OTOGL: variants seen among roughly 807,000 people sequenced by gnomAD.
The protein encoded by OTOGL is otogelin like, also known as otogelin-like protein.
In OTOGL, 285 loss-of-function variants were observed where a neutral mutation model predicts 318.5. The ratio of observed to expected loss-of-function variants is 0.89; its 90% confidence interval spans 0.81 to 0.99. The LOEUF is 0.99. Among genes scored for constraint, OTOGL ranks in the 50% least tolerant of loss-of-function variants. The pLI is 0.00. For synonymous variants in OTOGL, 987 were observed against 936.5 expected (o/e 1.05, Z -0.99); for missense variants, 2,899 against 2,845.6 (o/e 1.02, Z -0.43).
chr12:80,115,662 C>T (rs935115746), intron 1 of OTOGL, among the ~76,000 whole-genome samples: 1 of 152,228 alleles, frequency 6.6e-6, no homozygotes, highest in Non-Finnish European at 1.5e-5. Context: ...TTGCTTCCCC[C>T]CAGGTGCTCT....
At chr12:80,270,256 G>A (rs1883307654) in intron 23 of OTOGL, 102 bp downstream of exon 23, 3 of 928,784 alleles carry the variant, frequency 3.2e-6, no homozygotes, top group Non-Finnish European at 5.0e-6. Context: ...AATGTGCATG[G>A]CTATAGCCTT....
intron 1 of OTOGL, among the ~76,000 whole-genome samples, chr12:80,111,321 C>G (rs370712359): frequency 6.6e-6 from 1 of 152,096 alleles, no homozygotes; most frequent in Non-Finnish European, 1.5e-5. Flanking sequence ...AAGTCTTTGC[C>G]CATGCCTGTA....
intron 25 of OTOGL, 127 bp downstream of exon 25, chr12:80,278,402 G>T (rs1280975047): frequency 1.8e-5 from 13 of 716,372 alleles, no homozygotes; most frequent in Middle Eastern, 3.8e-4. Flanking sequence ...TAATTTAAAG[G>T]CCTGCAGGAG....
intron 53 of OTOGL, 100 bp downstream of exon 53, chr12:80,366,737 C>A: frequency 3.1e-6 from 1 of 319,154 alleles, no homozygotes; most frequent in Non-Finnish European, 5.2e-6. Context: ...GAGACACATA[C>A]ATTTTAAGCC....
chr12:80,197,043 A>G (rs1876120910), intron 1 of OTOGL, among the ~76,000 whole-genome samples: 1 of 152,212 alleles, frequency 6.6e-6, no homozygotes, highest in Admixed American at 6.5e-5. Flanking sequence ...CTTCATTGGC[A>G]TGATACAACT....
intron 44 of OTOGL, among the ~76,000 whole-genome samples, chr12:80,346,079 TGGATATTAA>T (rs1334009058): frequency 6.6e-6 from 1 of 152,206 alleles, no homozygotes; most frequent in African/African-American, 2.4e-5. Flanking sequence ...ATTTCTTACG[TGGATATTAA>T]GGGAATGAAT....
intron 35 of OTOGL, among the ~76,000 whole-genome samples, chr12:80,327,907 C>T (rs1248155322): frequency 4.5e-5 from 6 of 133,300 alleles, no homozygotes; most frequent in Non-Finnish European, 7.6e-5. Flanking sequence ...TGCAGTGAGC[C>T]GAGATCGCGC....
intron 37 of OTOGL, 25 bp from the exon 38 acceptor site, chr12:80,332,980 A>G: frequency 6.5e-7 from 1 of 1,543,700 alleles, no homozygotes; most frequent in Non-Finnish European, 8.8e-7. Flanking sequence ...TCCACTAATG[A>G]GGATTACTTT....
At chr12:80,127,838 C>G (rs542058781) in intron 1 of OTOGL, among the ~76,000 whole-genome samples, 1 of 152,170 alleles carries the variant, frequency 6.6e-6, no homozygotes, top group Admixed American at 6.5e-5. Context: ...GAGTCAGCTA[C>G]TGAGGCTTGT....
At chr12:80,237,765 C>T (rs756517731) in intron 9 of OTOGL, among the ~76,000 whole-genome samples, 4 of 152,090 alleles carry the variant, frequency 2.6e-5, no homozygotes, top group African/African-American at 4.8e-5. Flanking sequence ...CTCATCTTCC[C>T]GGCGTTTGAT....
chr12:80,144,654 T>G (rs972902020), intron 1 of OTOGL, among the ~76,000 whole-genome samples: 1 of 151,990 alleles, frequency 6.6e-6, no homozygotes, highest in South Asian at 2.1e-4. Flanking sequence ...ATGGTTGAAC[T>G]AGTTTACAGT....
intron 1 of OTOGL, among the ~76,000 whole-genome samples, chr12:80,147,189 T>C (rs2137157234): frequency 6.6e-6 from 1 of 151,510 alleles, no homozygotes; most frequent in Non-Finnish European, 1.5e-5. Context: ...CCTGTGGGCA[T>C]TTAGTGCTAT....
At chr12:80,324,417 C>T (rs947117056) in intron 35 of OTOGL, among the ~76,000 whole-genome samples, 1 of 152,106 alleles carries the variant, frequency 6.6e-6, no homozygotes, top group Non-Finnish European at 1.5e-5. Flanking sequence ...TAAGTTAGAA[C>T]AAAGTGAGCA....
At chr12:80,269,203 C>T (rs146917330) in intron 22 of OTOGL, among the ~76,000 whole-genome samples, 1 of 152,258 alleles carries the variant, frequency 6.6e-6, no homozygotes, top group Non-Finnish European at 1.5e-5. Flanking sequence ...GATTCAGCTT[C>T]TTCATCTGGG....
In OTOGL at chr12:80,358,752, A is replaced by G. The variant is rs757506970; in HGVS notation, c.6203A>G (p.Gln2068Arg). 27 of 1,610,698 alleles carry G rather than the reference A, an allele frequency of 1.7e-5. No homozygotes were observed. The highest frequency in any genetic ancestry group is 1.5e-5 in the Non-Finnish European group (18 of 1,177,378). ...CTTGTGAAAGAAAATGTATCTGGTC[A>G]ATGTTGCCCAACATGGCACTGTGGT... ...MNLVKENVSG[Q>R]CCPTWHCECN... The change falls in exon 51 of 59, where the codon CAA becomes CGA. Residue 2068 changes from glutamine to arginine, a missense_variant. This residue lies in a region of OTOGL where 2,607 missense variants were observed against 2,524.9 expected (regional missense o/e 1.03). Transcript: ENST00000547103.
chr12:80,201,736 G>C (rs1876471727), intron 1 of OTOGL, among the ~76,000 whole-genome samples: 1 of 152,146 alleles, frequency 6.6e-6, no homozygotes, highest in African/African-American at 2.4e-5. Context: ...CTCTGCAGAA[G>C]TTATGCCTGC....
At chr12:80,310,041 C>T (rs954119069) in intron 29 of OTOGL, among the ~76,000 whole-genome samples, 2 of 152,056 alleles carry the variant, frequency 1.3e-5, no homozygotes, top group Non-Finnish European at 2.9e-5. Flanking sequence ...TCACCAAAAC[C>T]AAATGAGGAG....
intron 4 of OTOGL, among the ~76,000 whole-genome samples, chr12:80,214,869 TGTAAGATGCCATTCTGA>T (rs1224397852): frequency 3.9e-5 from 6 of 152,332 alleles, no homozygotes; most frequent in African/African-American, 1.4e-4. Flanking sequence ...CAATTATAAA[TGTAAGATGCCATTCTGA>T]GTTCAAATAT....
At chr12:80,349,746 G>T (rs1889423694) in intron 44 of OTOGL, among the ~76,000 whole-genome samples, 1 of 152,080 alleles carries the variant, frequency 6.6e-6, no homozygotes, top group Admixed American at 6.6e-5. Flanking sequence ...CAAAGACATT[G>T]AAAAGAAAGT....
Sources: gnomAD v4.1 joint callset for allele counts (sites outside exome capture counted in the v4.1 genomes callset) on GRCh38, gnomAD v4.1.1 for gene constraint, gnomAD v4.1.1 regional missense constraint, MANE v1.5 for transcripts, NCBI Gene and HGNC (gene_info 2026-07-23, HGNC 2026-07-21) for gene names.